Variants in ATP10B observed in about 807,000 individuals in gnomAD.
The protein encoded by ATP10B is ATPase phospholipid transporting 10B (putative), also known as phospholipid-transporting ATPase VB.
A neutral mutation model predicts 141.2 loss-of-function variants in ATP10B; 122 were observed. That is an observed-to-expected ratio of 0.86 (90% CI 0.75 to 1.00). The LOEUF is 1.00. ATP10B is among the 50% of genes least tolerant of loss of function. The probability of loss-of-function intolerance (pLI) is 0.00; values close to 1 mark genes in which losing one functional copy is unlikely to be tolerated. For synonymous variants in ATP10B, 685 were observed against 692.0 expected (o/e 0.99, Z 0.16); for missense variants, 1,876 against 1,825.3 (o/e 1.03, Z -0.51).
intron 7 of ATP10B, among the ~76,000 whole-genome samples, chr5:160,662,360 A>G (rs1357647484): frequency 6.6e-6 from 1 of 152,168 alleles, no homozygotes; most frequent in Admixed American, 6.6e-5. Context: ...CCAAAAGAAC[A>G]AAGCTGGAGG....
intron 3 of ATP10B, among the ~76,000 whole-genome samples, chr5:160,692,125 C>T (rs1764108724): frequency 2.0e-5 from 3 of 152,052 alleles, no homozygotes; most frequent in South Asian, 4.2e-4. Flanking sequence ...TAGTTATTTT[C>T]GGTGGAGTAG....
intron 1 of ATP10B, among the ~76,000 whole-genome samples, chr5:160,788,509 T>G (rs1297541354): frequency 6.6e-6 from 1 of 152,184 alleles, no homozygotes. Flanking sequence ...GGTTTTACTT[T>G]GGCTGTATCA....
At position 160,644,252 on chromosome 5, in the gene ATP10B, T is replaced by C; in HGVS notation, c.762-8A>G. On this transcript the variant is annotated splice_polypyrimidine_tract_variant and splice_region_variant and intron_variant, in intron 8 of 25. Coordinates refer to ENST00000327245, the MANE Select transcript of ATP10B (RefSeq NM_025153.3). ...GTCTGGTCAGGATGCTCCCTGGGGA[T>C]GATGAATAAAAGACAGGGGGTGGTT... The C allele has an allele frequency of 6.2e-7, 1 of 1,611,032 alleles. No individual in the cohort carries two copies. Among genetic ancestry groups the C allele is most frequent in the Non-Finnish European group, 8.5e-7 (1 of 1,177,376 alleles).
intron 2 of ATP10B, among the ~76,000 whole-genome samples, chr5:160,726,420 T>C (rs773422019): frequency 6.6e-6 from 1 of 152,148 alleles, no homozygotes; most frequent in Non-Finnish European, 1.5e-5. Flanking sequence ...GGAGTGGAGC[T>C]AAGTCATTAC....
intron 2 of ATP10B, among the ~76,000 whole-genome samples, chr5:160,772,681 G>A (rs183797923): frequency 6.6e-6 from 1 of 152,136 alleles, no homozygotes; most frequent in African/African-American, 2.4e-5. Context: ...GATCTGACAG[G>A]GGGTGGAGCT....
chr5:160,664,534 G>C (rs891981085), intron 7 of ATP10B, among the ~76,000 whole-genome samples: 2 of 152,158 alleles, frequency 1.3e-5, no homozygotes, highest in Non-Finnish European at 1.5e-5. Context: ...TGATTATTAC[G>C]TTGATTATTG....
intron 13 of ATP10B, among the ~76,000 whole-genome samples, chr5:160,628,623 A>G (rs1244245865): frequency 6.6e-6 from 1 of 152,172 alleles, no homozygotes; most frequent in Non-Finnish European, 1.5e-5. Context: ...CCACAAAGGA[A>G]AGCAGTGTGG....
the ATP10B span, among the ~76,000 whole-genome samples, chr5:160,908,162 A>G: frequency 6.6e-6 from 1 of 152,186 alleles, no homozygotes; most frequent in Non-Finnish European, 1.5e-5. Flanking sequence ...CTATGTCACT[A>G]TGTGCTATCT....
chr5:160,596,331 G>A (rs1033102458), intron 22 of ATP10B, among the ~76,000 whole-genome samples: 6 of 151,800 alleles, frequency 4.0e-5, no homozygotes, highest in Non-Finnish European at 5.9e-5. Context: ...GGCCTTTGAC[G>A]AAATTCAACA....
rs115636418 is a variant in ATP10B, at chr5:160,590,918, G to T, written c.3645+141C>A. On this transcript the variant is annotated intron_variant, in intron 23 of 25. Coordinates refer to ENST00000327245, the MANE Select transcript of ATP10B (RefSeq NM_025153.3). ...GTGTTCTGACTTTTCAAACACCTTG[G>T]GTTGGATGTAACCTGCAGGCTACCT... is the stretch of plus-strand genomic sequence containing the variant. 4.0e-3 allele frequency: 2,594 copies of T among 643,876 alleles called. 54 individuals are homozygous for T. The African/African-American group carries it at 0.042, about 10-fold the overall frequency. 39.9% of individuals were successfully genotyped at this position (643,876 alleles called of 1,614,324 possible). A position where few individuals can be genotyped will look rare whatever the true frequency, so the allele number is the denominator to read the frequency against.
intron 2 of ATP10B, among the ~76,000 whole-genome samples, chr5:160,738,411 G>T (rs1018973444): frequency 9.2e-5 from 14 of 151,874 alleles, no homozygotes; most frequent in African/African-American, 3.4e-4. Context: ...AAAGGAAAAA[G>T]ACAATAAATA....
At chr5:160,928,274 T>C in the ATP10B span, among the ~76,000 whole-genome samples, 2 of 152,314 alleles carry the variant, frequency 1.3e-5, no homozygotes, top group South Asian at 4.1e-4. Context: ...ATGGGTTACA[T>C]ATTTTTGACA....
At chr5:160,691,861 T>C (rs908797904) in intron 3 of ATP10B, 2 of 152,226 alleles carry the variant, frequency 1.3e-5, no homozygotes, top group Non-Finnish European at 2.9e-5. Flanking sequence ...TATCATAATG[T>C]GACCAAAAGC....
intron 22 of ATP10B, among the ~76,000 whole-genome samples, chr5:160,591,588 G>T (rs557315991): frequency 6.6e-6 from 1 of 151,942 alleles, no homozygotes; most frequent in Non-Finnish European, 1.5e-5. Context: ...GATCTCAATC[G>T]TAGCTCGAAT....
chr5:160,741,039 T>C (rs1767436562), intron 2 of ATP10B, among the ~76,000 whole-genome samples: 1 of 152,318 alleles, frequency 6.6e-6, no homozygotes, highest in South Asian at 2.1e-4. Context: ...GAATAATCTT[T>C]AATAAGTTGC....
intron 1 of ATP10B, among the ~76,000 whole-genome samples, chr5:160,813,068 A>C (rs1773287850): frequency 6.6e-6 from 1 of 152,238 alleles, no homozygotes; most frequent in South Asian, 2.1e-4. Flanking sequence ...GATGCAGAAG[A>C]TGGGTGATTT....
the ATP10B span, among the ~76,000 whole-genome samples, chr5:160,911,995 G>A: frequency 1.3e-5 from 2 of 152,166 alleles, no homozygotes; most frequent in Non-Finnish European, 2.9e-5. Flanking sequence ...ACTTTGCTAT[G>A]TGTAAAGACT....
At chr5:160,837,864 A>G (rs981265819) in intron 1 of ATP10B, among the ~76,000 whole-genome samples, 11 of 152,278 alleles carry the variant, frequency 7.2e-5, no homozygotes, top group African/African-American at 2.4e-4. Context: ...CCAAGACACA[A>G]TAACAATTAC....
At chr5:160,918,984 G>A in the ATP10B span, among the ~76,000 whole-genome samples, 1 of 151,406 alleles carries the variant, frequency 6.6e-6, no homozygotes, top group Non-Finnish European at 1.5e-5. Context: ...CCAGCACTTT[G>A]GGAGGCCGAG....
Sources: gnomAD v4.1 joint callset for allele counts (sites outside exome capture counted in the v4.1 genomes callset) on GRCh38, gnomAD v4.1.1 for gene constraint, MANE v1.5 for transcripts, NCBI Gene and HGNC (gene_info 2026-07-23, HGNC 2026-07-21) for gene names.